LARP1: variants seen among roughly 807,000 people sequenced by gnomAD.
The protein encoded by LARP1 is la-related protein 1.
A neutral mutation model predicts 122.7 loss-of-function variants in LARP1; 36 were observed. The observed-to-expected ratio is 0.29, with a 90% CI of 0.22 to 0.39. LARP1 has a LOEUF of 0.39. Among genes scored for constraint, LARP1 ranks in the 10% least tolerant of loss-of-function variants. The probability of loss-of-function intolerance (pLI) is 1.00; values close to 1 mark genes in which losing one functional copy is unlikely to be tolerated. For synonymous variants in LARP1, 539 were observed against 528.7 expected (o/e 1.02, Z -0.27); for missense variants, 1,040 against 1,403.6 (o/e 0.74, Z 4.14).
intron 1 of LARP1, among the ~76,000 whole-genome samples, chr5:154,720,227 C>A (rs193296996): frequency 7.3e-4 from 104 of 142,612 alleles, no homozygotes; most frequent in African/African-American, 2.3e-3. Context: ...AATAATAATA[C>A]TAACCATAGA....
intron 1 of LARP1, among the ~76,000 whole-genome samples, chr5:154,699,196 A>G (rs1310594544): frequency 6.6e-6 from 1 of 152,244 alleles, no homozygotes; most frequent in African/African-American, 2.4e-5. Flanking sequence ...AAGCTCCAGA[A>G]TAAAGTAACT....
At chr5:154,796,293 G>A (rs765848560) in intron 8 of LARP1, among the ~76,000 whole-genome samples, 1 of 148,882 alleles carries the variant, frequency 6.7e-6, no homozygotes, top group Non-Finnish European at 1.5e-5. Context: ...CCAAGGGGAG[G>A]GTCATGTGAG....
chr5:154,690,765 C>CG (rs11355499), intron 1 of LARP1, among the ~76,000 whole-genome samples: 1 of 152,030 alleles, frequency 6.6e-6, no homozygotes, highest in Non-Finnish European at 1.5e-5. Flanking sequence ...ATGACCCGGG[C>CG]GGGGGGGCTG....
chr5:154,790,613 C>T (rs1439181633), intron 2 of LARP1, 32 bp from the exon 3 acceptor site: 1 of 1,611,560 alleles, frequency 6.2e-7, no homozygotes, highest in African/African-American at 1.3e-5. Flanking sequence ...CAGGGTCACT[C>T]CTGGGGCCCT....
At chr5:154,776,797 TGTGAA>T (rs1755924162) in intron 1 of LARP1, among the ~76,000 whole-genome samples, 1 of 152,232 alleles carries the variant, frequency 6.6e-6, no homozygotes, top group Non-Finnish European at 1.5e-5. Flanking sequence ...TTTCTACAAA[TGTGAA>T]GTGAGTGTTT....
chr5:154,743,768 C>T (rs1156419908), intron 1 of LARP1, among the ~76,000 whole-genome samples: 2 of 151,846 alleles, frequency 1.3e-5, no homozygotes, highest in South Asian at 2.1e-4. Flanking sequence ...TACAGGCACC[C>T]GCCATGACAC....
At chr5:154,690,875 C>T (rs535951733) in intron 1 of LARP1, among the ~76,000 whole-genome samples, 15 of 152,360 alleles carry the variant, frequency 9.8e-5, no homozygotes, top group African/African-American at 3.4e-4. Flanking sequence ...AAAAAAAACC[C>T]CGGATTCCCC....
At chr5:154,798,304 G>A (rs1337401439) in intron 8 of LARP1, among the ~76,000 whole-genome samples, 3 of 152,122 alleles carry the variant, frequency 2.0e-5, no homozygotes, top group African/African-American at 7.2e-5. Flanking sequence ...TAAGAAAAAA[G>A]CAAATGCCTC....
chr5:154,725,971 G>A (rs1428207895), intron 1 of LARP1, among the ~76,000 whole-genome samples: 2 of 152,040 alleles, frequency 1.3e-5, no homozygotes, highest in South Asian at 2.1e-4. Context: ...CTCTTGAGTA[G>A]CTGGGATTAC....
intron 1 of LARP1, among the ~76,000 whole-genome samples, chr5:154,728,718 T>C (rs748562795): frequency 1.3e-5 from 2 of 151,656 alleles, no homozygotes; most frequent in Non-Finnish European, 2.9e-5. Context: ...AGTAACGGGA[T>C]TGACTAATAA....
intron 1 of LARP1, among the ~76,000 whole-genome samples, chr5:154,779,414 T>A (rs1440145319): frequency 6.6e-6 from 1 of 152,132 alleles, no homozygotes; most frequent in East Asian, 1.9e-4. Flanking sequence ...CGCTGTTAAC[T>A]GCTGCTCTAA....
At chr5:154,807,489 C>G (rs1758881572) in intron 15 of LARP1, among the ~76,000 whole-genome samples, 1 of 152,000 alleles carries the variant, frequency 6.6e-6, no homozygotes, top group Admixed American at 6.6e-5. Context: ...ATATGTGAGT[C>G]TTCTGGTTTT....
In LARP1 at chr5:154,755,987, G is replaced by A; in HGVS notation, c.230G>A (p.Arg77Gln). 9.9e-7 allele frequency: 1 copy of A among 1,005,406 alleles called. No homozygotes were observed. Among genetic ancestry groups the A allele is most frequent in the Non-Finnish European group, 1.2e-6 (1 of 844,964 alleles). 62.3% of individuals were successfully genotyped at this position (1,005,406 alleles called of 1,614,324 possible). A position where few individuals can be genotyped will look rare whatever the true frequency, so the allele number is the denominator to read the frequency against. Residue 77 changes from arginine (R) to glutamine (Q), a missense_variant, in exon 1 of 19, where the codon CGG becomes CAG. This residue lies in a region of LARP1 where 257 missense variants were observed against 273.3 expected (regional missense o/e 0.94). Coordinates refer to ENST00000518297, the MANE Select transcript of LARP1 (RefSeq NM_033551.3). ...GTGQQERESP[R>Q]PLQLPGAEGP... ...GGGCAGCAGGAGCGCGAGAGCCCGC[G>A]GCCGCTGCAGCTGCCCGGCGCCGAA...
intron 1 of LARP1, among the ~76,000 whole-genome samples, chr5:154,781,871 T>C (rs2113723595): frequency 6.6e-6 from 1 of 152,334 alleles, no homozygotes; most frequent in South Asian, 2.1e-4. Flanking sequence ...ACCTCTGTAG[T>C]AAGCTCTCAG....
At chr5:154,756,321 G>A (rs1753892915) in intron 1 of LARP1, 128 bp downstream of exon 1, 2 of 937,158 alleles carry the variant, frequency 2.1e-6, no homozygotes, top group African/African-American at 3.6e-5. Flanking sequence ...TTTTAAAATT[G>A]CCTCCTGGTT....
At chr5:154,804,739 G>A in intron 14 of LARP1, 1 of 455,974 alleles carries the variant, frequency 2.2e-6, no homozygotes, top group South Asian at 1.6e-5. Context: ...CCTGCTTCTT[G>A]GGGTAGGGCC....
intron 4 of LARP1, 121 bp downstream of exon 4, chr5:154,792,917 G>C: frequency 2.3e-6 from 2 of 885,684 alleles, no homozygotes; most frequent in Non-Finnish European, 3.5e-6. Context: ...TGGGGAAACT[G>C]ATGGATGTAG....
At chr5:154,743,769 G>A (rs1288778363) in intron 1 of LARP1, among the ~76,000 whole-genome samples, 5 of 151,762 alleles carry the variant, frequency 3.3e-5, no homozygotes, top group Non-Finnish European at 5.9e-5. Context: ...ACAGGCACCC[G>A]CCATGACACT....
intron 8 of LARP1, 126 bp from the exon 9 acceptor site, chr5:154,799,465 T>A: frequency 1.1e-6 from 1 of 933,972 alleles, no homozygotes; most frequent in South Asian, 1.6e-5. Flanking sequence ...ATGGTGTCAA[T>A]TTTCTTATAT....
Sources: allele counts gnomAD v4.1 joint callset (sites outside exome capture counted in the v4.1 genomes callset), GRCh38; gene constraint gnomAD v4.1.1; regional missense constraint gnomAD v4.1.1; transcripts MANE v1.5; gene names NCBI Gene and HGNC (gene_info 2026-07-23, HGNC 2026-07-21).